Variants in MTHFD1L observed in about 807,000 individuals in gnomAD.
The protein encoded by MTHFD1L is monofunctional C1-tetrahydrofolate synthase, mitochondrial.
In MTHFD1L, 81 loss-of-function variants were observed where a neutral mutation model predicts 119.5. That is an observed-to-expected ratio of 0.68 (90% CI 0.57 to 0.82). The LOEUF (loss-of-function observed/expected upper bound fraction) is 0.82, where lower values mean the gene tolerates loss of function less well. Ranked by LOEUF, MTHFD1L falls within the 40% of genes least tolerant of loss-of-function variation. The pLI, the probability that MTHFD1L is intolerant of heterozygous loss-of-function variation, is 0.00. For missense variants in MTHFD1L, 1,125 were observed against 1,253.4 expected, an observed-to-expected ratio of 0.90 and a Z score of 1.55; for synonymous variants, 430 against 475.2, an observed-to-expected ratio of 0.90 and a Z score of 1.24.
At chr6:151,013,388 T>A (rs1584127267) in intron 21 of MTHFD1L, among the ~76,000 whole-genome samples, 1 of 152,142 alleles carries the variant, frequency 6.6e-6, no homozygotes, top group Non-Finnish European at 1.5e-5. Context: ...TACCGTAAAA[T>A]GATTTCGAAT....
chr6:150,955,019 TA>T (rs1295087343), intron 16 of MTHFD1L, among the ~76,000 whole-genome samples: 1 of 152,186 alleles, frequency 6.6e-6, no homozygotes, highest in Non-Finnish European at 1.5e-5. Context: ...TTTTGCTTTT[TA>T]AAATTGTGGT....
chr6:150,936,870 C>G lies in MTHFD1L; in HGVS notation c.1323C>G (p.Thr441=), dbSNP rs144622007. The G allele has an allele frequency of 6.2e-7, 1 of 1,614,036 alleles. No homozygotes were observed. The highest frequency in any genetic ancestry group is 8.5e-7 in the Non-Finnish European group (1 of 1,179,924). The stretch of plus-strand genomic sequence containing the variant: ...CCATCGGGCTTGTGCAGGCTCTGAC[C>G]GCACACCTGAATGTCAACTCCTTTG... ...TVTIGLVQAL[T]AHLNVNSFAC... is the part of the protein sequence containing the mutation. Residue 441 remains threonine, a synonymous_variant, in exon 12 of 28, where the codon ACC becomes ACG. Coordinates refer to ENST00000367321, the MANE Select transcript of MTHFD1L (RefSeq NM_015440.5).
At chr6:151,064,468 T>C (rs1791001486) in intron 26 of MTHFD1L, among the ~76,000 whole-genome samples, 1 of 151,930 alleles carries the variant, frequency 6.6e-6, no homozygotes, top group Non-Finnish European at 1.5e-5. Context: ...TGCCTGCCAC[T>C]GCATCCGGCT....
intron 1 of MTHFD1L, among the ~76,000 whole-genome samples, chr6:150,875,338 C>T (rs1048919598): frequency 6.6e-6 from 1 of 152,104 alleles, no homozygotes; most frequent in East Asian, 1.9e-4. Flanking sequence ...TGCATGCCAC[C>T]ATGCCAGGCC....
chr6:151,090,653 G>A (rs1233246492), intron 26 of MTHFD1L, among the ~76,000 whole-genome samples: 1 of 152,226 alleles, frequency 6.6e-6, no homozygotes, highest in Non-Finnish European at 1.5e-5. Context: ...TTTACACTGA[G>A]AACTTTTTGC....
rs867914087 is a variant in MTHFD1L at position 151,090,920 on chromosome 6, T to C, written c.2848-1547T>C. Among the ~76,000 whole-genome samples the C allele has an allele frequency of 4.7e-3, 480 of 102,566 alleles. 3 individuals are homozygous for C. The highest frequency in any genetic ancestry group is 0.018 in the African/African-American group (419 of 23,520). 67.3% of individuals were successfully genotyped at this position (102,566 alleles called of 152,430 possible). On this transcript the variant is annotated intron_variant, in intron 26 of 27. Coordinates refer to ENST00000367321, the MANE Select transcript of MTHFD1L (RefSeq NM_015440.5). ...CCCCATGCGACTGGGTGCAGCATCG[T>C]TCCATGCGACTGGGTGCAGCATCGT...
intron 18 of MTHFD1L, 30 bp from the exon 19 acceptor site, chr6:150,964,939 A>C (rs775366318): frequency 3.7e-6 from 6 of 1,606,594 alleles, no homozygotes. Context: ...ATATTTTGTC[A>C]GGAATCTAAT....
At chr6:150,871,231 G>A (rs1779435262) in intron 1 of MTHFD1L, among the ~76,000 whole-genome samples, 1 of 147,982 alleles carries the variant, frequency 6.8e-6, no homozygotes, top group African/African-American at 2.5e-5. Context: ...TGATCTGGTG[G>A]AGGATTTGCC....
Position 150,882,888 on chromosome 6 carries a change from T to C in MTHFD1L, c.542+2T>C. 1 of 1,565,318 alleles carries C rather than the reference T, an allele frequency of 6.4e-7. No homozygotes were observed. The highest frequency in any genetic ancestry group is 2.4e-5 in the East Asian group (1 of 42,544). On this transcript the variant is annotated splice_donor_variant, in intron 5 of 27. Transcript: ENST00000367321. LOFTEE classifies it high-confidence loss of function. ...GAAACCAGAAAAAGATGTGGATGGG[T>C]AAGAAAATAAAATCAAATAATCAAC...
chr6:151,072,527 C>A (rs999234348), intron 26 of MTHFD1L, among the ~76,000 whole-genome samples: 1 of 151,956 alleles, frequency 6.6e-6, no homozygotes, highest in South Asian at 2.1e-4. Context: ...TGGTGGCTCA[C>A]ACCTGGAATC....
rs1282836338 is a variant in MTHFD1L at position 151,100,639 on chromosome 6, GTTTC to G, written c.*32-883_*32-880del. ...TTTTCTGGGACTTAAGTGTTGTTTT[GTTTC>G]TTTTTTTTTTTTTTAATGTAGTTTA... On this transcript the variant is annotated intron_variant, in intron 27 of 27. Transcript: ENST00000367321. Among the ~76,000 whole-genome samples the G allele has an allele frequency of 6.0e-4, 86 of 144,332 alleles. 3 individuals carry two copies. The East Asian group carries it at 6.7e-3, about 11-fold the overall frequency. The allele number at this position is 144,332 out of a possible 152,430, so 94.7% of individuals were successfully genotyped here.
intron 11 of MTHFD1L, among the ~76,000 whole-genome samples, chr6:150,932,161 C>CTA (rs1791154196): frequency 2.5e-5 from 1 of 39,474 alleles, no homozygotes. Context: ...GACTCCATCT[C>CTA]AAAAAAAAAA....
chr6:150,918,817 A>C (rs1465951738), intron 9 of MTHFD1L, 149 bp downstream of exon 9: 4 of 661,682 alleles, frequency 6.0e-6, no homozygotes, highest in Non-Finnish European at 1.0e-5. Context: ...AGAAATGGTG[A>C]TTTTGAAAAA....
intron 26 of MTHFD1L, among the ~76,000 whole-genome samples, chr6:151,049,661 CAA>C (rs34116073): frequency 0.03 from 3,371 of 111,538 alleles, 46 homozygotes; most frequent in Non-Finnish European, 0.042. Context: ...GACTCCATCT[CAA>C]AAAAAAAAAA....
intron 5 of MTHFD1L, among the ~76,000 whole-genome samples, chr6:150,883,398 A>C (rs953580648): frequency 4.6e-5 from 7 of 152,162 alleles, no homozygotes; most frequent in African/African-American, 1.7e-4. Context: ...GCCCTTTTAT[A>C]GTGCTTCAAT....
At chr6:151,003,436 G>A (rs534796498) in intron 20 of MTHFD1L, among the ~76,000 whole-genome samples, 1 of 152,234 alleles carries the variant, frequency 6.6e-6, no homozygotes, top group East Asian at 1.9e-4. Context: ...GGAGGCTGAG[G>A]CAGGAGAATC....
intron 26 of MTHFD1L, among the ~76,000 whole-genome samples, chr6:151,089,647 A>G (rs1231177280): frequency 6.6e-6 from 1 of 152,232 alleles, no homozygotes; most frequent in African/African-American, 2.4e-5. Flanking sequence ...GGCAAATGCC[A>G]TCTCAAAATG....
At chr6:150,989,401 C>T (rs1257345915) in intron 20 of MTHFD1L, among the ~76,000 whole-genome samples, 1 of 152,086 alleles carries the variant, frequency 6.6e-6, no homozygotes, top group Admixed American at 6.5e-5. Flanking sequence ...TATTATTCAT[C>T]ATTATTCTGA....
chr6:150,926,188 G>A lies in MTHFD1L; in HGVS notation c.1149G>A (p.Leu383=). ...ATGTCCTTGCCAAGGAGATTGGATT[G>A]CTTGCAGATGAAATTGAAATCTATG... ...AVDVLAKEIG[L]LADEIEIYGK... The change falls in exon 11 of 28, where the codon TTG becomes TTA. Residue 383 remains leucine (L), a synonymous_variant. Coordinates refer to ENST00000367321, the MANE Select transcript of MTHFD1L (RefSeq NM_015440.5). The surrounding 1 kb of genome is among the most constrained non-coding windows in gnomAD (Gnocchi z 4.3). 6.2e-7 allele frequency: 1 copy of A among 1,614,082 alleles called. No individual in the cohort carries two copies. The highest frequency in any genetic ancestry group is 2.2e-5 in the East Asian group (1 of 44,870).
Sources: gnomAD v4.1 joint callset for allele counts (sites outside exome capture counted in the v4.1 genomes callset) on GRCh38, gnomAD v4.1.1 for gene constraint, Gnocchi (gnomAD v3.1) non-coding constraint, MANE v1.5 for transcripts, NCBI Gene and HGNC (gene_info 2026-07-23, HGNC 2026-07-21) for gene names.